SHTN1: variants seen among roughly 807,000 people sequenced by gnomAD.
SHTN1 encodes shootin-1.
Under a neutral mutation model 83.1 loss-of-function variants are expected in SHTN1, and 42 were observed. The observed-to-expected ratio is 0.51, with a 90% CI of 0.39 to 0.65. The LOEUF is 0.65. Among genes scored for constraint, SHTN1 ranks in the 30% least tolerant of loss-of-function variants. The pLI is 0.00. For synonymous variants in SHTN1, 224 were observed against 247.7 expected (o/e 0.90, Z 0.90); for missense variants, 622 against 737.8 (o/e 0.84, Z 1.82).
intron 1 of SHTN1, among the ~76,000 whole-genome samples, chr10:116,991,992 A>G (rs1851452881): frequency 6.6e-6 from 1 of 151,934 alleles, no homozygotes; most frequent in Admixed American, 6.6e-5. Flanking sequence ...AAATACCCAT[A>G]CTAGCCAGGC....
intron 2 of SHTN1, among the ~76,000 whole-genome samples, chr10:116,975,757 C>T (rs1355421063): frequency 6.6e-6 from 1 of 152,068 alleles, no homozygotes; most frequent in Non-Finnish European, 1.5e-5. Flanking sequence ...CCCAAATTTC[C>T]TGCTTTTATC....
In SHTN1 at chr10:117,005,009, G is replaced by A. The variant is rs373736518; in HGVS notation, c.58+13C>T. The A allele has an allele frequency of 5.2e-5, 82 of 1,586,558 alleles. 1 individual carries two copies. The South Asian group carries it at 8.5e-4, about 16-fold the overall frequency. On this transcript the variant is annotated intron_variant, in intron 1 of 16. Coordinates refer to ENST00000355371, the MANE Select transcript of SHTN1 (RefSeq NM_001127211.3). The stretch of plus-strand genomic sequence containing the variant: ...CCGCGGCTGCCCACACCTGGCGCCC[G>A]CGTGCTGCCTACCTTGCTCCTTCAG...
chr10:117,040,110 C>T (rs1420306981), intron 2 of SHTN1, among the ~76,000 whole-genome samples: 1 of 152,106 alleles, frequency 6.6e-6, no homozygotes, highest in Admixed American at 6.6e-5. Context: ...TCCATCCTTC[C>T]TAAACTGATC....
rs1471668474 is a variant in SHTN1, at chr10:116,948,968, AAC to A, written c.562_563del (p.Val188PhefsTer7). 1 of 1,571,902 alleles carries A rather than the reference AAC, an allele frequency of 6.4e-7. No individual in the cohort carries two copies. Among genetic ancestry groups the A allele is most frequent in the Non-Finnish European group, 8.6e-7 (1 of 1,159,388 alleles). ...EVNKVKQEKT[V>X]LNSEVLEQRK... Reference sequence around the variant, plus strand: ...TCTGTTCAAGAACTTCTGAATTTAAAACAGTCTTTTCTTGTTTAACTTTATTT... The same window carrying A: ...TCTGTTCAAGAACTTCTGAATTTAAAAGTCTTTTCTTGTTTAACTTTATTT... On this transcript the variant is annotated frameshift_variant, in exon 7 of 17. Coordinates refer to ENST00000355371, the MANE Select transcript of SHTN1 (RefSeq NM_001127211.3). LOFTEE classifies it high-confidence loss of function.
intron 1 of SHTN1, among the ~76,000 whole-genome samples, chr10:117,060,836 G>A (rs748427735): frequency 5.3e-5 from 8 of 152,094 alleles, no homozygotes; most frequent in Admixed American, 2.0e-4. Flanking sequence ...ACTTATGGTC[G>A]GAAAAGCGAG....
chr10:117,077,634 C>T (rs887051278), intron 1 of SHTN1, among the ~76,000 whole-genome samples: 4 of 152,100 alleles, frequency 2.6e-5, no homozygotes, highest in African/African-American at 7.2e-5. Flanking sequence ...CCCGCTCCCC[C>T]CACCCCACAA....
chr10:117,061,755 G>C (rs1219688730), intron 1 of SHTN1, among the ~76,000 whole-genome samples: 1 of 152,168 alleles, frequency 6.6e-6, no homozygotes, highest in Non-Finnish European at 1.5e-5. Flanking sequence ...ACAGACATGA[G>C]CCACCACACC....
At chr10:117,103,871 G>A (rs906502251) in intron 1 of SHTN1, among the ~76,000 whole-genome samples, 2 of 151,966 alleles carry the variant, frequency 1.3e-5, no homozygotes, top group African/African-American at 4.8e-5. Context: ...TTTGGGTGTG[G>A]GGGTACAGGT....
chr10:116,969,332 T>C (rs1850516306), intron 2 of SHTN1, among the ~76,000 whole-genome samples: 1 of 151,966 alleles, frequency 6.6e-6, no homozygotes, highest in Non-Finnish European at 1.5e-5. Context: ...TCCCAGCTAC[T>C]CGGGAGGCTG....
chr10:116,951,158 T>C (rs978839663), intron 6 of SHTN1, among the ~76,000 whole-genome samples: 2 of 152,156 alleles, frequency 1.3e-5, no homozygotes, highest in Non-Finnish European at 2.9e-5. Context: ...GGCAGCGGCT[T>C]GCATTGGTGG....
intron 1 of SHTN1, among the ~76,000 whole-genome samples, chr10:117,076,144 C>T (rs952695074): frequency 6.9e-6 from 1 of 145,130 alleles, no homozygotes; most frequent in African/African-American, 2.6e-5. Context: ...GATTGTTCCA[C>T]TGCACTCCAG....
In SHTN1 at chr10:116,954,180, T is replaced by C. The variant is rs143296440; in HGVS notation, c.298A>G (p.Ile100Val). The C allele has an allele frequency of 6.8e-6, 11 of 1,610,324 alleles. No individual in the cohort carries two copies. Among genetic ancestry groups the C allele is most frequent in the Non-Finnish European group, 9.3e-6 (11 of 1,178,790 alleles). ...AGCTTGGCCATGTACAACATGCTGA[T>C]TCTTTTCAACGTTTTATTTTCTTTA... ...LNKENKTLKR[I>V]SMLYMAKLGP... Residue 100 changes from isoleucine (I) to valine (V), a missense_variant, in exon 5 of 17, where the codon ATC (isoleucine) becomes GTC (valine). This residue lies in a region of SHTN1 where 383 missense variants were observed against 455.8 expected (regional missense o/e 0.84). Transcript: ENST00000355371.
intron 1 of SHTN1, among the ~76,000 whole-genome samples, chr10:117,087,298 C>T (rs1374982856): frequency 6.6e-6 from 1 of 152,038 alleles, no homozygotes; most frequent in African/African-American, 2.4e-5. Flanking sequence ...TATTTTAAAA[C>T]AATTTTTAAA....
intron 16 of SHTN1, among the ~76,000 whole-genome samples, chr10:116,890,663 G>T (rs1269638883): frequency 3.3e-5 from 5 of 152,234 alleles, no homozygotes; most frequent in Non-Finnish European, 5.9e-5. Flanking sequence ...GAAGCCTGGT[G>T]CCCAAGTAAA....
intron 1 of SHTN1, among the ~76,000 whole-genome samples, chr10:117,091,382 C>T (rs1413695003): frequency 2.6e-5 from 4 of 152,132 alleles, no homozygotes; most frequent in Non-Finnish European, 5.9e-5. Flanking sequence ...GTCACACAGT[C>T]AAAAAGGAAA....
chr10:117,099,633 T>C (rs974295216), intron 1 of SHTN1, among the ~76,000 whole-genome samples: 3 of 152,082 alleles, frequency 2.0e-5, no homozygotes, highest in African/African-American at 7.2e-5. Flanking sequence ...ATAAAATAAA[T>C]AAAAGGTAAC....
intron 16 of SHTN1, among the ~76,000 whole-genome samples, chr10:116,891,186 C>T (rs1270752689): frequency 2.0e-5 from 3 of 152,172 alleles, no homozygotes; most frequent in Admixed American, 2.0e-4. Flanking sequence ...AGTGAATGAA[C>T]TTTTAAGCGG....
At chr10:116,924,922 T>A (rs1264527555) in intron 11 of SHTN1, among the ~76,000 whole-genome samples, 1 of 151,516 alleles carries the variant, frequency 6.6e-6, no homozygotes, top group African/African-American at 2.4e-5. Context: ...GCCTGGCTAA[T>A]TTTTTTTGTA....
Position 116,919,979 on chromosome 10 carries a change from C to A in SHTN1, c.1195+1455G>T, listed in dbSNP as rs74159013. On this transcript the variant is annotated intron_variant, in intron 12 of 16. Transcript: ENST00000355371. ...CAATATGCATGAAAGCAGTGGGATG[C>A]TGCCAAGAAGAGTAAACCCTCAAAG... 2.3e-3 allele frequency among the ~76,000 whole-genome samples: 351 copies of A among 152,294 alleles called. 1 individual carries two copies. The highest frequency in any genetic ancestry group is 8.2e-3 in the African/African-American group (340 of 41,568).
Sources: gnomAD v4.1 joint callset for allele counts (sites outside exome capture counted in the v4.1 genomes callset) on GRCh38, gnomAD v4.1.1 for gene constraint, gnomAD v4.1.1 regional missense constraint, MANE v1.5 for transcripts, NCBI Gene and HGNC (gene_info 2026-07-23, HGNC 2026-07-21) for gene names.